Variants in RGS22 observed in about 807,000 individuals in gnomAD.
The protein encoded by RGS22 is regulator of G protein signaling 22.
RGS22 carries 148 observed loss-of-function variants against 172.9 expected under a neutral mutation model. That is an observed-to-expected ratio of 0.86 (90% CI 0.75 to 0.98). The LOEUF is 0.98. Ranked by LOEUF, RGS22 falls within the 50% of genes least tolerant of loss-of-function variation. RGS22 has a pLI of 0.00. For synonymous variants in RGS22, 458 were observed against 480.2 expected (o/e 0.95, Z 0.60); for missense variants, 1,347 against 1,440.8 (o/e 0.93, Z 1.05).
chr8:99,996,538 C>A lies in RGS22; in HGVS notation c.2950-8G>T, dbSNP rs758488733. The A allele has an allele frequency of 1.9e-6, 3 of 1,608,644 alleles. No homozygotes were observed. The South Asian group carries it at 3.3e-5, about 18-fold the overall frequency. ...TATGTCTTTCATCTGTACCTGAAAG[C>A]AAAACCAATTATTTTATCCCAGTTA... On this transcript the variant is annotated splice_polypyrimidine_tract_variant and splice_region_variant and intron_variant, in intron 19 of 27. Coordinates refer to ENST00000360863, the MANE Select transcript of RGS22 (RefSeq NM_015668.5).
intron 2 of RGS22, among the ~76,000 whole-genome samples, chr8:100,095,083 T>A (rs1271833752): frequency 6.6e-6 from 1 of 152,258 alleles, no homozygotes; most frequent in African/African-American, 2.4e-5. Flanking sequence ...TGCCACCTTG[T>A]CTGAAATTTC....
chr8:99,985,623 T>G (rs1204838271), intron 21 of RGS22, among the ~76,000 whole-genome samples: 3 of 152,190 alleles, frequency 2.0e-5, no homozygotes, highest in African/African-American at 7.2e-5. Context: ...ATAATAACAT[T>G]TGATACTTAA....
intron 14 of RGS22, among the ~76,000 whole-genome samples, chr8:100,034,440 A>G (rs947758723): frequency 4.6e-5 from 7 of 152,228 alleles, no homozygotes; most frequent in African/African-American, 1.7e-4. Flanking sequence ...GGAGAACTAT[A>G]AATCACTGCT....
chr8:100,097,564 T>C (rs890429024), intron 2 of RGS22, among the ~76,000 whole-genome samples: 1 of 152,194 alleles, frequency 6.6e-6, no homozygotes, highest in South Asian at 2.1e-4. Context: ...TATGTTTAAA[T>C]TTTTTCCTAG....
At chr8:100,100,929 T>C (rs1159900339) in intron 2 of RGS22, among the ~76,000 whole-genome samples, 1 of 152,206 alleles carries the variant, frequency 6.6e-6, no homozygotes, top group Non-Finnish European at 1.5e-5. Flanking sequence ...AGTTTTAACG[T>C]TAATAAAACT....
At chr8:100,095,055 G>T (rs1212092843) in intron 2 of RGS22, among the ~76,000 whole-genome samples, 1 of 152,172 alleles carries the variant, frequency 6.6e-6, no homozygotes, top group Admixed American at 6.5e-5. Flanking sequence ...CCTGGTGGAC[G>T]TAAGTATTGC....
In RGS22 at chr8:100,033,419, A is replaced by C. The variant is rs188419672; in HGVS notation, c.2166+5512T>G. 3.5e-3 allele frequency among the ~76,000 whole-genome samples: 532 copies of C among 152,322 alleles called. 2 individuals are homozygous for C. The highest frequency in any genetic ancestry group is 0.012 in the African/African-American group (491 of 41,576). On this transcript the variant is annotated intron_variant, in intron 14 of 27. Coordinates refer to ENST00000360863, the MANE Select transcript of RGS22 (RefSeq NM_015668.5). ...ATGCAAATAAACTAGAAAATCTAGAAGAAATGGATAAATTCCTTGACACAT... is the reference window on the plus strand; with the variant it reads ...ATGCAAATAAACTAGAAAATCTAGACGAAATGGATAAATTCCTTGACACAT...
chr8:99,982,771 C>T (rs1812687520), intron 21 of RGS22, among the ~76,000 whole-genome samples: 2 of 152,066 alleles, frequency 1.3e-5, no homozygotes, highest in Non-Finnish European at 2.9e-5. Context: ...TTATAGATAA[C>T]CTAAAATTAA....
intron 14 of RGS22, among the ~76,000 whole-genome samples, chr8:100,010,373 C>T (rs1444366822): frequency 6.6e-6 from 1 of 152,080 alleles, no homozygotes; most frequent in Non-Finnish European, 1.5e-5. Context: ...GTAGTCCCAG[C>T]TACTCAGGAG....
At chr8:99,987,688 T>A (rs1813254230) in intron 20 of RGS22, 69 bp from the exon 21 acceptor site, 1 of 1,265,748 alleles carries the variant, frequency 7.9e-7, no homozygotes, top group Non-Finnish European at 1.0e-6. Flanking sequence ...TTCTATCTCC[T>A]AAAATTTTGC....
intron 13 of RGS22, among the ~76,000 whole-genome samples, chr8:100,039,551 A>G (rs1819885451): frequency 6.6e-6 from 1 of 150,780 alleles, no homozygotes; most frequent in African/African-American, 2.4e-5. Context: ...TAATTTTTGT[A>G]TTTTAGTAGA....
intron 2 of RGS22, among the ~76,000 whole-genome samples, chr8:100,099,938 G>A (rs1234743108): frequency 6.6e-6 from 1 of 152,158 alleles, no homozygotes; most frequent in African/African-American, 2.4e-5. Context: ...GGCTCTCACT[G>A]TTCATTTAAC....
intron 3 of RGS22, among the ~76,000 whole-genome samples, chr8:100,091,294 CAAAAAA>C (rs370090165): frequency 1.5e-5 from 1 of 67,330 alleles, no homozygotes; most frequent in Admixed American, 1.5e-4. Context: ...AGAGGAACTC[CAAAAAA>C]AAAAAAAAAA....
At chr8:100,041,282 A>G (rs547560202) in intron 12 of RGS22, among the ~76,000 whole-genome samples, 2 of 152,282 alleles carry the variant, frequency 1.3e-5, no homozygotes, top group Non-Finnish European at 2.9e-5. Context: ...TGAGGTCAGG[A>G]GTGCGAGACC....
In RGS22 at chr8:100,105,975, C is replaced by G. The variant is rs1273616963; in HGVS notation, c.-54G>C. On this transcript the variant is annotated 5_prime_UTR_variant, in exon 1 of 28. Coordinates refer to ENST00000360863, the MANE Select transcript of RGS22 (RefSeq NM_015668.5). ...CGCGCGGGCCGTCAGGGCCCTAGCG[C>G]GCGGGTCCAGCGCGGGTCAGGGCCT... 2 of 1,366,592 alleles carry G rather than the reference C, an allele frequency of 1.5e-6. No individual in the cohort carries two copies. The highest frequency in any genetic ancestry group is 1.9e-6 in the Non-Finnish European group (2 of 1,065,676). 84.7% of individuals were successfully genotyped at this position (1,366,592 alleles called of 1,614,324 possible).
chr8:100,065,016 A>G (rs1810439394), intron 7 of RGS22, among the ~76,000 whole-genome samples: 1 of 152,218 alleles, frequency 6.6e-6, no homozygotes, highest in Non-Finnish European at 1.5e-5. Flanking sequence ...AAAATCAGTG[A>G]CATGTCTGAC....
chr8:100,101,291 T>C (rs1168000580), intron 2 of RGS22, among the ~76,000 whole-genome samples: 2 of 134,168 alleles, frequency 1.5e-5, no homozygotes, highest in African/African-American at 6.3e-5. Context: ...CCTAAATTTC[T>C]TTTTTTTTTT....
Position 100,105,414 on chromosome 8 carries a change from C to T in RGS22, c.26-12G>A. The T allele has an allele frequency of 6.3e-7, 1 of 1,597,494 alleles. No homozygotes were observed. Among genetic ancestry groups the T allele is most frequent in the East Asian group, 2.2e-5 (1 of 44,768 alleles). ...AATAGTTGGTGGCTCTGAAACAAGA[C>T]AAAATATTACATTATCTCCCTCAAA... On this transcript the variant is annotated splice_polypyrimidine_tract_variant and intron_variant, in intron 1 of 27. Coordinates refer to ENST00000360863, the MANE Select transcript of RGS22 (RefSeq NM_015668.5).
At chr8:100,093,381 T>C in intron 3 of RGS22, 66 bp downstream of exon 3, 1 of 926,622 alleles carries the variant, frequency 1.1e-6, no homozygotes. Flanking sequence ...TTTCACAAGA[T>C]AACCCAGTGA....
Sources: allele counts gnomAD v4.1 joint callset (sites outside exome capture counted in the v4.1 genomes callset), GRCh38; gene constraint gnomAD v4.1.1; transcripts MANE v1.5; gene names NCBI Gene and HGNC (gene_info 2026-07-23, HGNC 2026-07-21).